Variants in MRC1 observed in about 807,000 individuals in gnomAD.
MRC1 encodes macrophage mannose receptor 1.
In MRC1, 62 loss-of-function variants were observed where a neutral mutation model predicts 102.9. The observed-to-expected ratio is 0.60, with a 90% confidence interval of 0.49 to 0.74. The LOEUF (loss-of-function observed/expected upper bound fraction) is 0.74, where lower values mean the gene tolerates loss of function less well. Ranked by LOEUF, MRC1 falls within the 30% of genes least tolerant of loss-of-function variation. The pLI is 0.00. For synonymous variants in MRC1, 457 were observed against 298.4 expected (o/e 1.53, Z -5.48); for missense variants, 1,237 against 862.8 (o/e 1.43, Z -5.43).
At chr10:17,829,989 C>T (rs1248661457) in intron 3 of MRC1, among the ~76,000 whole-genome samples, 6 of 151,362 alleles carry the variant, frequency 4.0e-5, no homozygotes, top group South Asian at 2.1e-4. Context: ...GTAAAATAAT[C>T]GTAGAAAATA....
At chr10:17,852,166 T>C (rs927377055) in intron 7 of MRC1, among the ~76,000 whole-genome samples, 16 of 152,238 alleles carry the variant, frequency 1.1e-4, no homozygotes, top group African/African-American at 1.4e-4. Context: ...TATTTAGGAA[T>C]TTTTAGCATG....
chr10:17,872,136 C>A lies in MRC1; in HGVS notation c.2344+10C>A. 1 of 780,520 alleles carries A rather than the reference C, an allele frequency of 1.3e-6. No homozygotes were observed. Among genetic ancestry groups the A allele is most frequent in the Non-Finnish European group, 2.4e-6 (1 of 417,716 alleles). The allele number at this position is 780,520 out of a possible 1,614,324, so 48.3% of individuals were successfully genotyped here. On this transcript the variant is annotated intron_variant, in intron 15 of 29. Coordinates refer to ENST00000569591, the MANE Select transcript of MRC1 (RefSeq NM_002438.4). ...TGCCAGATACAAAAAGGTATGATCA[C>A]CTCTTCTCTCCTTTATCTCAGCTTG...
intron 22 of MRC1, among the ~76,000 whole-genome samples, chr10:17,886,466 G>A (rs1339763173): frequency 6.6e-6 from 1 of 151,914 alleles, no homozygotes; most frequent in Non-Finnish European, 1.5e-5. Context: ...GCAGTGGCAT[G>A]ATCTCGGCTC....
chr10:17,836,079 G>A (rs1838658041), intron 4 of MRC1, among the ~76,000 whole-genome samples: 1 of 152,200 alleles, frequency 6.6e-6, no homozygotes, highest in Non-Finnish European at 1.5e-5. Context: ...AGGCACCTGT[G>A]CTTTGGTGAC....
chr10:17,898,307 A>G (rs1655176347), intron 24 of MRC1, 41 bp downstream of exon 24: 2 of 780,614 alleles, frequency 2.6e-6, no homozygotes, highest in Non-Finnish European at 4.8e-6. Flanking sequence ...ATGATCAGTG[A>G]ATTATGGTTG....
At chr10:17,811,476 G>T (rs1348406029) in intron 1 of MRC1, among the ~76,000 whole-genome samples, 1 of 152,154 alleles carries the variant, frequency 6.6e-6, no homozygotes, top group Non-Finnish European at 1.5e-5. Flanking sequence ...GGATGCTGAA[G>T]ATCTGTTTAC....
At chr10:17,845,598 G>C (rs1838814872) in intron 6 of MRC1, among the ~76,000 whole-genome samples, 163 bp downstream of exon 6, 1 of 152,188 alleles carries the variant, frequency 6.6e-6, no homozygotes, top group Admixed American at 6.5e-5. Flanking sequence ...CTGGTTGCTA[G>C]TATTTCCTGA....
intron 21 of MRC1, among the ~76,000 whole-genome samples, chr10:17,881,844 T>TG (rs1833524690): frequency 1.5e-5 from 2 of 134,922 alleles, no homozygotes; most frequent in East Asian, 2.1e-4. Context: ...GTTTTTTTTT[T>TG]TTTTTTTTTT....
At chr10:17,896,957 G>T (rs1266753427) in intron 23 of MRC1, among the ~76,000 whole-genome samples, 1 of 152,150 alleles carries the variant, frequency 6.6e-6, no homozygotes, top group Non-Finnish European at 1.5e-5. Context: ...AAATATTTTA[G>T]GTTTTGCAGG....
intron 23 of MRC1, among the ~76,000 whole-genome samples, chr10:17,897,317 A>G (rs1833769129): frequency 6.6e-6 from 1 of 152,182 alleles, no homozygotes; most frequent in African/African-American, 2.4e-5. Flanking sequence ...GGCACAATGC[A>G]GTGATTAGAA....
At chr10:17,909,802 T>C (rs1012989438) in intron 29 of MRC1, among the ~76,000 whole-genome samples, 8 of 152,280 alleles carry the variant, frequency 5.3e-5, no homozygotes, top group Middle Eastern at 3.4e-3. Flanking sequence ...TGAGTGCCGT[T>C]TGTTTACTAA....
At chr10:17,813,378 A>G (rs1838254524) in intron 1 of MRC1, among the ~76,000 whole-genome samples, 1 of 152,196 alleles carries the variant, frequency 6.6e-6, no homozygotes, top group Non-Finnish European at 1.5e-5. Flanking sequence ...TTGAAATGCT[A>G]AGAAAGATAA....
intron 28 of MRC1, among the ~76,000 whole-genome samples, chr10:17,908,147 A>G (rs1204689566): frequency 2.0e-5 from 3 of 152,254 alleles, no homozygotes; most frequent in Non-Finnish European, 4.4e-5. Flanking sequence ...TGAAAGGAAC[A>G]GGATTGGGGA....
At chr10:17,848,350 C>A (rs1295176795) in intron 6 of MRC1, among the ~76,000 whole-genome samples, 7 of 152,266 alleles carry the variant, frequency 4.6e-5, no homozygotes, top group South Asian at 2.1e-4. Flanking sequence ...AACTTCAATT[C>A]TTTTTCTCTT....
chr10:17,856,434 C>T (rs1046289585), intron 9 of MRC1, 82 bp downstream of exon 9: 1 of 785,574 alleles, frequency 1.3e-6, no homozygotes, highest in Non-Finnish European at 2.2e-6. Flanking sequence ...TGTGAAAGTG[C>T]CTTGTTATTG....
At chr10:17,827,782 A>T in intron 3 of MRC1, 67 bp downstream of exon 3, 1 of 773,720 alleles carries the variant, frequency 1.3e-6, no homozygotes, top group Non-Finnish European at 2.4e-6. Context: ...AAAGACCTTG[A>T]ATTTATCTAG....
rs963767177 is a variant in MRC1 at position 17,824,157 on chromosome 10, C to T, written c.463+682C>T. Among the ~76,000 whole-genome samples the T allele has an allele frequency of 9.2e-5, 14 of 152,266 alleles. No homozygotes were observed. The East Asian group carries it at 2.7e-3, about 29-fold the overall frequency. ...TGACCTCTTGAAGGTTAAATAAAAT[C>T]AGAGTATTTAGTTCTTTCTTATATT... On this transcript the variant is annotated intron_variant, in intron 2 of 29. Transcript: ENST00000569591.
intron 1 of MRC1, among the ~76,000 whole-genome samples, chr10:17,816,202 C>G (rs1437603695): frequency 1.3e-5 from 2 of 152,176 alleles, no homozygotes; most frequent in Non-Finnish European, 2.9e-5. Context: ...AATTTGGGGT[C>G]TTTGGGGAAA....
chr10:17,836,577 G>T (rs1465412846), intron 4 of MRC1, among the ~76,000 whole-genome samples: 1 of 152,176 alleles, frequency 6.6e-6, no homozygotes, highest in Admixed American at 6.5e-5. Flanking sequence ...GCTCACCCTT[G>T]TATTCCCATC....
Sources: gnomAD v4.1 joint callset for allele counts (sites outside exome capture counted in the v4.1 genomes callset) on GRCh38, gnomAD v4.1.1 for gene constraint, MANE v1.5 for transcripts, NCBI Gene and HGNC (gene_info 2026-07-23, HGNC 2026-07-21) for gene names.